KRAS: variants seen among roughly 807,000 people sequenced by gnomAD.
The protein encoded by KRAS is GTPase KRas.
A neutral mutation model predicts 21.0 loss-of-function variants in KRAS; 1 was observed. The ratio of observed to expected loss-of-function variants is 0.05; its 90% confidence interval spans 0.02 to 0.23. The LOEUF (loss-of-function observed/expected upper bound fraction) is 0.23, where lower values mean the gene tolerates loss of function less well. Among genes scored for constraint, KRAS ranks in the 10% least tolerant of loss-of-function variants. The probability of loss-of-function intolerance (pLI) is 1.00; values close to 1 mark genes in which losing one functional copy is unlikely to be tolerated. For missense variants in KRAS, 107 were observed against 221.8 expected (o/e 0.48, Z 3.29); for synonymous variants, 67 against 72.5 (o/e 0.92, Z 0.39).
In KRAS at chr12:25,209,413, T is replaced by C. The variant is rs368034813; in HGVS notation, c.*382A>G. The C allele has an allele frequency of 1.1e-6, 1 of 907,704 alleles. No homozygotes were observed. Among genetic ancestry groups the C allele is most frequent in the Non-Finnish European group, 1.5e-6 (1 of 659,178 alleles). The allele number at this position is 907,704 out of a possible 1,614,324, so 56.2% of individuals were successfully genotyped here. On this transcript the variant is annotated 3_prime_UTR_variant, in exon 5 of 5. Coordinates refer to ENST00000311936, the MANE Select transcript of KRAS (RefSeq NM_004985.5). ...TCAACTGAAATTAGTAATTAATCCA[T>C]TTATGTGACTAGATAAAACACAGAA... is the stretch of plus-strand genomic sequence containing the variant.
At chr12:25,237,494 A>G (rs1264430564) in intron 2 of KRAS, among the ~76,000 whole-genome samples, 10 of 152,172 alleles carry the variant, frequency 6.6e-5, no homozygotes, top group Admixed American at 6.5e-4. Flanking sequence ...CCCTGTACTC[A>G]TGGGTTGTCC....
intron 4 of KRAS, among the ~76,000 whole-genome samples, chr12:25,221,390 G>A (rs537743158): frequency 2.6e-5 from 4 of 152,008 alleles, no homozygotes; most frequent in East Asian, 1.9e-4. Flanking sequence ...CCGCCACCAC[G>A]CCTGGCTAAG....
chr12:25,244,768 C>T (rs12226937), intron 2 of KRAS, among the ~76,000 whole-genome samples: 59,500 of 151,706 alleles, frequency 0.39, 11,831 homozygotes, highest in African/African-American at 0.46. Context: ...TTTATATAAA[C>T]CACACCTTAG....
Position 25,208,451 on chromosome 12 carries a change from T to C in KRAS, c.*1344A>G, listed in dbSNP as rs544726484. ...GTTTATGCAATGTTAATTTAACCAG[T>C]GTTAAGAGAACTAGCCAAACCTAGA... On this transcript the variant is annotated 3_prime_UTR_variant, in exon 5 of 5. Transcript: ENST00000311936. 1 of 233,316 alleles carries C rather than the reference T, an allele frequency of 4.3e-6. No homozygotes were observed. Among genetic ancestry groups the C allele is most frequent in the Non-Finnish European group, 8.5e-6 (1 of 117,878 alleles). The allele number at this position is 233,316 out of a possible 1,614,324, so 14.5% of individuals were successfully genotyped here.
intron 4 of KRAS, among the ~76,000 whole-genome samples, chr12:25,217,140 C>T (rs4246230): frequency 1 from 152,080 of 152,332 alleles, 75,916 homozygotes; most frequent in Non-Finnish European, 1. Context: ...GTACCATTTG[C>T]AGTTTTAAAT....
chr12:25,244,484 C>T (rs1368645226), intron 2 of KRAS, among the ~76,000 whole-genome samples: 2 of 152,122 alleles, frequency 1.3e-5, no homozygotes, highest in African/African-American at 4.8e-5. Context: ...GGAATGTCCC[C>T]TCCTGGAGGT....
intron 4 of KRAS, chr12:25,225,176 T>C: frequency 6.6e-6 from 1 of 151,704 alleles, no homozygotes; most frequent in Non-Finnish European, 1.5e-5. Flanking sequence ...TCAAAAAAAT[T>C]CTGCCAAAGT....
intron 4 of KRAS, chr12:25,210,871 ACT>A (rs1442126158): frequency 2.4e-5 from 3 of 127,158 alleles, no homozygotes; most frequent in African/African-American, 7.8e-5. Flanking sequence ...GAAAAATGGC[ACT>A]CTCAAACTGG....
intron 2 of KRAS, chr12:25,235,259 T>C: frequency 1.8e-6 from 1 of 551,230 alleles, no homozygotes; most frequent in Non-Finnish European, 3.4e-6. Flanking sequence ...TTTACTCAAT[T>C]AATGCTCAAG....
chr12:25,227,152 T>C lies in KRAS; in HGVS notation c.290+82A>G, dbSNP rs367762892. 19 of 912,618 alleles carry C rather than the reference T, an allele frequency of 2.1e-5. No homozygotes were observed. In the South Asian group the frequency reaches 2.2e-4, roughly 11 times the overall value. 56.5% of individuals were successfully genotyped at this position (912,618 alleles called of 1,614,324 possible). ...TTAAAAATTTTTATTAAATATTATATGCATGGCATTAGCAAAGACTCAAAA... is the reference window on the plus strand; with the variant it reads ...TTAAAAATTTTTATTAAATATTATACGCATGGCATTAGCAAAGACTCAAAA... On this transcript the variant is annotated intron_variant, in intron 3 of 4. Coordinates refer to ENST00000311936, the MANE Select transcript of KRAS (RefSeq NM_004985.5).
intron 2 of KRAS, among the ~76,000 whole-genome samples, chr12:25,240,403 G>GA (rs1409278937): frequency 2.6e-5 from 4 of 152,098 alleles, no homozygotes; most frequent in Non-Finnish European, 5.9e-5. Context: ...ATATTCTGAG[G>GA]AAAAAAATCC....
chr12:25,248,634 T>C (rs951994685), intron 1 of KRAS, among the ~76,000 whole-genome samples: 1 of 151,540 alleles, frequency 6.6e-6, no homozygotes, highest in Non-Finnish European at 1.5e-5. Flanking sequence ...TTGAATGAGA[T>C]TTTTAAAACC....
intron 2 of KRAS, among the ~76,000 whole-genome samples, chr12:25,227,653 G>A (rs189708802): frequency 1.3e-5 from 2 of 152,180 alleles, no homozygotes; most frequent in Non-Finnish European, 2.9e-5. Flanking sequence ...TACCCATTAG[G>A]ATTGGCTATT....
rs1282369135 is a variant in KRAS at position 25,206,775 on chromosome 12, T to TTTA, written c.*3017_*3019dup. On this transcript the variant is annotated 3_prime_UTR_variant, in exon 5 of 5. Transcript: ENST00000311936. ...GTCTGTGAACTAGTTCAGGCACCTG[T>TTTA]TTATTTGTACCCAGATAAAACTATT... The TTTA allele has an allele frequency of 2.5e-5, 5 of 196,584 alleles. No homozygotes were observed. Among genetic ancestry groups the TTTA allele is most frequent in the Admixed American group, 6.1e-5 (1 of 16,522 alleles). The allele number at this position is 196,584 out of a possible 1,614,324, so 12.2% of individuals were successfully genotyped here.
Position 25,245,221 on chromosome 12 carries a change from T to C in KRAS, c.111+53A>G. 6.5e-7 allele frequency: 1 copy of C among 1,542,684 alleles called. No individual in the cohort carries two copies. ...GAAAATGGTCAGAGAAACCTTTATC[T>C]GTATCAAAGAATGGTCCTGCACCAG... On this transcript the variant is annotated intron_variant, in intron 2 of 4. Coordinates refer to ENST00000311936, the MANE Select transcript of KRAS (RefSeq NM_004985.5).
At chr12:25,212,073 A>G (rs185771289) in intron 4 of KRAS, among the ~76,000 whole-genome samples, 1 of 152,332 alleles carries the variant, frequency 6.6e-6, no homozygotes, top group African/African-American at 2.4e-5. Context: ...TGATACAATA[A>G]AAATTATTCT....
At chr12:25,219,961 G>A (rs905877988) in intron 4 of KRAS, among the ~76,000 whole-genome samples, 1 of 152,146 alleles carries the variant, frequency 6.6e-6, no homozygotes, top group Non-Finnish European at 1.5e-5. Flanking sequence ...ACCAGGAAAT[G>A]AATCACTCAA....
chr12:25,236,801 T>C (rs1279630908), intron 2 of KRAS, among the ~76,000 whole-genome samples: 2 of 152,082 alleles, frequency 1.3e-5, no homozygotes. Context: ...TTGGTAGGAA[T>C]GTAAACAGTA....
At chr12:25,227,165 CA>C (rs1378155756) in intron 3 of KRAS, 68 bp downstream of exon 3, 18 of 1,166,248 alleles carry the variant, frequency 1.5e-5, no homozygotes, top group Non-Finnish European at 2.3e-5. Flanking sequence ...ATGGCATTAG[CA>C]AAGACTCAAA....
Sources: gnomAD v4.1 joint callset for allele counts (sites outside exome capture counted in the v4.1 genomes callset) on GRCh38, gnomAD v4.1.1 for gene constraint, MANE v1.5 for transcripts, NCBI Gene and HGNC (gene_info 2026-07-23, HGNC 2026-07-21) for gene names.